ADK: variants seen among roughly 807,000 people sequenced by gnomAD.
ADK encodes adenosine kinase.
A neutral mutation model predicts 44.7 loss-of-function variants in ADK; 24 were observed. The ratio of observed to expected loss-of-function variants is 0.54; its 90% confidence interval spans 0.39 to 0.76. The LOEUF is 0.76. ADK is among the 30% of genes least tolerant of loss of function. The pLI is 0.00. For missense variants in ADK, 321 were observed against 425.1 expected, an observed-to-expected ratio of 0.76 and a Z score of 2.15; for synonymous variants, 128 against 142.6, an observed-to-expected ratio of 0.90 and a Z score of 0.73.
rs1314839172 is a variant in ADK, at chr10:74,657,026, GT to G, written c.878-13142del. Among the ~76,000 whole-genome samples the G allele has an allele frequency of 5.5e-3, 788 of 142,256 alleles. 1 individual carries two copies. The highest frequency in any genetic ancestry group is 7.7e-3 in the Non-Finnish European group (499 of 64,672). 93.3% of individuals were successfully genotyped at this position (142,256 alleles called of 152,430 possible). A position where few individuals can be genotyped will look rare whatever the true frequency, so the allele number is the denominator to read the frequency against. On this transcript the variant is annotated intron_variant, in intron 9 of 10. Transcript: ENST00000539909. Reference sequence around the variant, plus strand: ...AGACATGTGCTACCATACCTAGCTAGTTTTTTTTTTTTTTTAATCTGTAGAC... The same window carrying G: ...AGACATGTGCTACCATACCTAGCTAGTTTTTTTTTTTTTTAATCTGTAGAC...
At chr10:74,183,379 C>G (rs1205761688) in intron 1 of ADK, among the ~76,000 whole-genome samples, 1 of 152,126 alleles carries the variant, frequency 6.6e-6, no homozygotes, top group Non-Finnish European at 1.5e-5. Flanking sequence ...TCAAGGCCAG[C>G]CTGGGCAATA....
At position 74,585,736 on chromosome 10, in the gene ADK, C is replaced by T. The variant is rs148914390; in HGVS notation, c.727-3546C>T. Among the ~76,000 whole-genome samples the T allele has an allele frequency of 2.5e-4, 38 of 152,278 alleles. 1 individual carries two copies. Among genetic ancestry groups the T allele is most frequent in the Middle Eastern group, 6.8e-3 (2 of 294 alleles). On this transcript the variant is annotated intron_variant, in intron 7 of 10. Coordinates refer to ENST00000539909, the MANE Select transcript of ADK (RefSeq NM_006721.4). The stretch of plus-strand genomic sequence containing the variant: ...ACCGCCCTGCTTTTCTATTCTAACC[C>T]GAGCTGTTCTCCACATGTCACATCC...
At chr10:74,415,934 A>G (rs1299774217) in intron 6 of ADK, among the ~76,000 whole-genome samples, 1 of 151,640 alleles carries the variant, frequency 6.6e-6, no homozygotes, top group African/African-American at 2.4e-5. Flanking sequence ...GCTCTTACCT[A>G]TTTCTCTATT....
At chr10:74,700,309 CT>C (rs1246676574) in intron 10 of ADK, among the ~76,000 whole-genome samples, 2 of 152,206 alleles carry the variant, frequency 1.3e-5, no homozygotes, top group African/African-American at 4.8e-5. Flanking sequence ...GTGGCGTGAT[CT>C]CGGCTCACTG....
intron 3 of ADK, among the ~76,000 whole-genome samples, chr10:74,259,164 C>T (rs531058862): frequency 1.3e-5 from 2 of 151,784 alleles, no homozygotes; most frequent in East Asian, 1.9e-4. Context: ...AGGCTGATTT[C>T]GAACTCCTGG....
intron 3 of ADK, among the ~76,000 whole-genome samples, chr10:74,246,119 A>G (rs573487912): frequency 1.4e-3 from 205 of 149,774 alleles, no homozygotes; most frequent in African/African-American, 4.8e-3. Flanking sequence ...CTCTTGTGGG[A>G]GGGGGGGGTC....
intron 2 of ADK, among the ~76,000 whole-genome samples, chr10:74,222,941 G>A (rs963194192): frequency 6.6e-6 from 1 of 151,972 alleles, no homozygotes; most frequent in African/African-American, 2.4e-5. Flanking sequence ...CAGCACACCA[G>A]CATGTCACAT....
intron 6 of ADK, among the ~76,000 whole-genome samples, chr10:74,411,981 C>G (rs1181222473): frequency 1.3e-5 from 2 of 152,174 alleles, no homozygotes; most frequent in Non-Finnish European, 2.9e-5. Context: ...CTCATCCATT[C>G]AAGTTTTATC....
At chr10:74,409,522 C>G (rs912737103) in intron 6 of ADK, among the ~76,000 whole-genome samples, 1 of 152,096 alleles carries the variant, frequency 6.6e-6, no homozygotes, top group Non-Finnish European at 1.5e-5. Context: ...TCCTTTAGCA[C>G]TCATGCCTAT....
At chr10:74,161,341 A>G (rs925523389) in intron 1 of ADK, among the ~76,000 whole-genome samples, 4 of 152,052 alleles carry the variant, frequency 2.6e-5, no homozygotes, top group African/African-American at 9.7e-5. Flanking sequence ...AGCTGGGACT[A>G]CAAGTGCACA....
In ADK at chr10:74,404,016, G is replaced by A. The variant is rs542253063; in HGVS notation, c.555+5437G>A. Among the ~76,000 whole-genome samples, 30 of 152,190 alleles carry A rather than the reference G, an allele frequency of 2.0e-4. No homozygotes were observed. The South Asian group carries it at 5.0e-3, about 25-fold the overall frequency. On this transcript the variant is annotated intron_variant, in intron 6 of 10. Transcript: ENST00000539909. ...GCCTCCCAAGTAGCTGGGACTGCAC[G>A]TGCCTGCCACCATGCCCGGCTAATT...
At chr10:74,251,574 G>C (rs1287334056) in intron 3 of ADK, among the ~76,000 whole-genome samples, 2 of 152,136 alleles carry the variant, frequency 1.3e-5, no homozygotes, top group South Asian at 4.1e-4. Context: ...AGCAATATGA[G>C]TTAAATATTA....
intron 3 of ADK, among the ~76,000 whole-genome samples, chr10:74,293,165 CAAAAAAAAAAA>C (rs59635944): frequency 1.3e-5 from 1 of 79,160 alleles, no homozygotes; most frequent in Non-Finnish European, 2.2e-5. Context: ...AACCCTGTCT[CAAAAAAAAAAA>C]AAAAAAAAAA....
chr10:74,297,678 G>A (rs1229889261), intron 3 of ADK, among the ~76,000 whole-genome samples: 1 of 152,050 alleles, frequency 6.6e-6, no homozygotes, highest in Non-Finnish European at 1.5e-5. Context: ...AGTTAAGAAA[G>A]GTTTTTATAT....
chr10:74,630,458 T>C (rs1334224326), intron 9 of ADK, among the ~76,000 whole-genome samples: 2 of 151,692 alleles, frequency 1.3e-5, no homozygotes, highest in African/African-American at 4.9e-5. Flanking sequence ...ATTAACACTT[T>C]TGAAGAGTAC....
intron 3 of ADK, among the ~76,000 whole-genome samples, chr10:74,225,027 T>C (rs1247535041): frequency 6.6e-6 from 1 of 152,266 alleles, no homozygotes; most frequent in Non-Finnish European, 1.5e-5. Context: ...ATTTTGTTTC[T>C]GTCACTGGTT....
At chr10:74,581,256 A>G (rs1307062228) in intron 7 of ADK, among the ~76,000 whole-genome samples, 1 of 152,200 alleles carries the variant, frequency 6.6e-6, no homozygotes, top group East Asian at 1.9e-4. Flanking sequence ...GGAAATGTAA[A>G]AAAAGACCTA....
At chr10:74,510,593 T>C (rs371475529) in intron 6 of ADK, among the ~76,000 whole-genome samples, 23 of 152,344 alleles carry the variant, frequency 1.5e-4, no homozygotes, top group Non-Finnish European at 2.5e-4. Context: ...ATTTTTACTT[T>C]TGTTGCTTGT....
chr10:74,236,195 A>G (rs767720899), intron 3 of ADK, among the ~76,000 whole-genome samples: 1 of 152,260 alleles, frequency 6.6e-6, no homozygotes, highest in Non-Finnish European at 1.5e-5. Context: ...GGCAGAGGAA[A>G]TATGATTGAC....
Sources: allele counts gnomAD v4.1 joint callset (sites outside exome capture counted in the v4.1 genomes callset), GRCh38; gene constraint gnomAD v4.1.1; transcripts MANE v1.5; gene names NCBI Gene and HGNC (gene_info 2026-07-23, HGNC 2026-07-21).